The following LSAMP variants were observed in gnomAD, a reference collection of about 807,000 sequenced individuals.
LSAMP encodes the protein limbic system associated membrane protein.
LSAMP carries 7 observed loss-of-function variants against 38.6 expected under a neutral mutation model. That is an observed-to-expected ratio of 0.18 (90% CI 0.10 to 0.34). The LOEUF (loss-of-function observed/expected upper bound fraction) is 0.34. LSAMP is among the 10% of genes least tolerant of loss of function. LSAMP has a pLI of 1.00. For synonymous variants in LSAMP, 154 were observed against 166.8 expected (o/e 0.92, Z 0.59); for missense variants, 313 against 420.0 (o/e 0.75, Z 2.23).
At chr3:116,402,478 A>G (rs748570879) in intron 1 of LSAMP, among the ~76,000 whole-genome samples, 4 of 152,106 alleles carry the variant, frequency 2.6e-5, no homozygotes, top group Non-Finnish European at 5.9e-5. Flanking sequence ...TTAAAAACAT[A>G]CAAACAAAAA....
At chr3:116,195,422 C>T (rs1327334525) in intron 1 of LSAMP, among the ~76,000 whole-genome samples, 10 of 152,108 alleles carry the variant, frequency 6.6e-5, no homozygotes, top group Admixed American at 6.5e-4. Context: ...TAAATTTTCT[C>T]ATATCAGTAT....
At chr3:115,989,611 T>A (rs1325889822) in intron 3 of LSAMP, among the ~76,000 whole-genome samples, 1 of 152,090 alleles carries the variant, frequency 6.6e-6, no homozygotes, top group Non-Finnish European at 1.5e-5. Flanking sequence ...GACTCTGTGT[T>A]AGACTTTCTT....
At chr3:116,266,028 A>G (rs181968626) in intron 1 of LSAMP, among the ~76,000 whole-genome samples, 1 of 152,076 alleles carries the variant, frequency 6.6e-6, no homozygotes, top group East Asian at 1.9e-4. Context: ...CTTTTTTTTA[A>G]CAGAAGGGAA....
chr3:115,819,927 G>T (rs976399709), intron 6 of LSAMP, among the ~76,000 whole-genome samples: 16 of 152,036 alleles, frequency 1.1e-4, no homozygotes, highest in African/African-American at 3.6e-4. Context: ...GTGGTTATGT[G>T]TTGCCATCTT....
chr3:116,261,106 C>T (rs577666395), intron 1 of LSAMP, among the ~76,000 whole-genome samples: 34 of 152,284 alleles, frequency 2.2e-4, no homozygotes, highest in African/African-American at 7.9e-4. Flanking sequence ...TCCTTTGCCT[C>T]CTTAGTGTTT....
At chr3:116,329,827 C>T (rs987662842) in intron 1 of LSAMP, among the ~76,000 whole-genome samples, 3 of 151,538 alleles carry the variant, frequency 2.0e-5, no homozygotes, top group Non-Finnish European at 4.4e-5. Flanking sequence ...AAAACCAAGT[C>T]GTATCACAGA....
At chr3:116,020,995 A>G (rs1940622419) in intron 2 of LSAMP, among the ~76,000 whole-genome samples, 1 of 152,130 alleles carries the variant, frequency 6.6e-6, no homozygotes, top group Non-Finnish European at 1.5e-5. Flanking sequence ...CGATCCCTGC[A>G]AATCTTCATT....
At chr3:115,861,187 TTCCTTCCTTCCTTCC>T (rs1935685699) in intron 3 of LSAMP, among the ~76,000 whole-genome samples, 1 of 108,840 alleles carries the variant, frequency 9.2e-6, no homozygotes, top group South Asian at 3.4e-4. Flanking sequence ...CCTTCCTTCC[TTCCTTCCTTCCTTCC>T]TTCCTTTCCT....
At chr3:116,370,435 C>T (rs969677718) in intron 1 of LSAMP, among the ~76,000 whole-genome samples, 15 of 152,132 alleles carry the variant, frequency 9.9e-5, no homozygotes, top group African/African-American at 3.6e-4. Context: ...CTAGAGTGTA[C>T]TGAAGGCTTA....
At position 116,179,969 on chromosome 3, in the gene LSAMP, G is replaced by A. The variant is rs541821815; in HGVS notation, c.156-93413C>T. On this transcript the variant is annotated intron_variant, in intron 1 of 6. Transcript: ENST00000490035. Reference sequence around the variant, plus strand: ...ATGTTTGTGCTTGGCCAAAGAAGTAGTATTTGTTCTAAGTACTTATAACAT... The same window carrying A: ...ATGTTTGTGCTTGGCCAAAGAAGTAATATTTGTTCTAAGTACTTATAACAT... Among the ~76,000 whole-genome samples the A allele has an allele frequency of 3.0e-3, 456 of 152,276 alleles. 3 individuals are homozygous for A. The highest frequency in any genetic ancestry group is 0.01 in the African/African-American group (423 of 41,546).
At chr3:116,078,435 C>T (rs1463723978) in intron 2 of LSAMP, among the ~76,000 whole-genome samples, 1 of 152,014 alleles carries the variant, frequency 6.6e-6, no homozygotes, top group African/African-American at 2.4e-5. Context: ...CTCCATTATC[C>T]TGCCTCAGCC....
intron 6 of LSAMP, among the ~76,000 whole-genome samples, 188 bp from the exon 7 acceptor site, chr3:115,810,602 G>A (rs1015902908): frequency 2.0e-5 from 3 of 152,212 alleles, no homozygotes; most frequent in Non-Finnish European, 4.4e-5. Flanking sequence ...TGGGCTACAA[G>A]TATCCTAAGG....
intron 1 of LSAMP, among the ~76,000 whole-genome samples, chr3:116,186,494 T>C (rs1278707084): frequency 2.0e-5 from 3 of 152,116 alleles, no homozygotes; most frequent in Non-Finnish European, 2.9e-5. Context: ...GAGGCAGTGG[T>C]TAATCAGAGT....
At chr3:116,304,522 C>T (rs2047456318) in intron 1 of LSAMP, among the ~76,000 whole-genome samples, 2 of 152,004 alleles carry the variant, frequency 1.3e-5, no homozygotes, top group South Asian at 4.2e-4. Flanking sequence ...GATAAGGGTG[C>T]AGAGACATGG....
At chr3:116,343,452 T>C (rs2048023581) in intron 1 of LSAMP, among the ~76,000 whole-genome samples, 1 of 152,132 alleles carries the variant, frequency 6.6e-6, no homozygotes, top group Non-Finnish European at 1.5e-5. Context: ...ATTCTAATGG[T>C]AAAGAAAATA....
chr3:115,852,602 C>T lies in LSAMP; in HGVS notation c.530G>A (p.Gly177Glu). 1 of 1,611,536 alleles carries T rather than the reference C, an allele frequency of 6.2e-7. No homozygotes were observed. Among genetic ancestry groups the T allele is most frequent in the Non-Finnish European group, 8.5e-7 (1 of 1,179,178 alleles). ...HLTPTGREFE[G>E]EEEYLEILGI... ...AAGGATCTCCAGATATTCTTCTTCT[C>T]CTTCAAATTCCCTTCCTGAAAAACA... Residue 177 changes from glycine to glutamate, a missense_variant, in exon 4 of 7, where the codon GGA becomes GAA. Gly to Glu is a moderately conservative substitution (Grantham distance 98). Coordinates refer to ENST00000490035, the MANE Select transcript of LSAMP (RefSeq NM_002338.5).
chr3:116,150,597 G>A (rs1381065), intron 1 of LSAMP, among the ~76,000 whole-genome samples: 42,748 of 151,752 alleles, frequency 0.28, 6,160 homozygotes, highest in African/African-American at 0.33. Flanking sequence ...GTGGGGAAAA[G>A]GAGTTGAAGT....
chr3:116,176,099 G>C (rs529599085), intron 1 of LSAMP, among the ~76,000 whole-genome samples: 28 of 152,070 alleles, frequency 1.8e-4, no homozygotes, highest in African/African-American at 6.7e-4. Flanking sequence ...TTGGCATGAG[G>C]CTCAAAAATA....
chr3:115,836,691 C>T (rs1435221478), intron 6 of LSAMP, among the ~76,000 whole-genome samples: 1 of 147,492 alleles, frequency 6.8e-6, no homozygotes, highest in African/African-American at 2.6e-5. Context: ...GAGATGTATC[C>T]ACAGAGCCCA....
Sources: allele counts gnomAD v4.1 joint callset (sites outside exome capture counted in the v4.1 genomes callset), GRCh38; gene constraint gnomAD v4.1.1; transcripts MANE v1.5; gene names NCBI Gene and HGNC (gene_info 2026-07-23, HGNC 2026-07-21).